The following SIDT1 variants were observed in gnomAD, a reference collection of about 807,000 sequenced individuals.
SIDT1 encodes SID1 transmembrane family member 1.
A neutral mutation model predicts 107.5 loss-of-function variants in SIDT1; 101 were observed. The observed-to-expected ratio is 0.94, with a 90% confidence interval of 0.80 to 1.11. SIDT1 has a LOEUF of 1.11. Ranked by LOEUF, SIDT1 falls within the 50% of genes least tolerant of loss-of-function variation. SIDT1 has a pLI of 0.00. For synonymous variants in SIDT1, 395 were observed against 398.2 expected, an observed-to-expected ratio of 0.99 and a Z score of 0.10; for missense variants, 1,076 against 1,058.2, an observed-to-expected ratio of 1.02 and a Z score of -0.23.
chr3:113,587,147 C>A (rs565028757), intron 9 of SIDT1, among the ~76,000 whole-genome samples: 12 of 151,926 alleles, frequency 7.9e-5, no homozygotes, highest in Admixed American at 6.6e-4. Context: ...TGGTTGTATG[C>A]AAGTTACTTT....
chr3:113,613,366 A>AC (rs1235951852), intron 19 of SIDT1, among the ~76,000 whole-genome samples: 4 of 152,230 alleles, frequency 2.6e-5, no homozygotes, highest in African/African-American at 9.6e-5. Flanking sequence ...GGAAAGGAGG[A>AC]GTCCTTTGGC....
chr3:113,611,218 G>T lies in SIDT1; in HGVS notation c.1857+74G>T, dbSNP rs1945715031. 17 of 1,552,374 alleles carry T rather than the reference G, an allele frequency of 1.1e-5. No individual in the cohort carries two copies. The South Asian group carries it at 1.9e-4, about 17-fold the overall frequency. On this transcript the variant is annotated intron_variant, in intron 18 of 24. Transcript: ENST00000264852. ...GGTCCAATAAACAAACAACAATCAAGTGAACGGGTTTGGATTAACCAAAAT... is the reference window on the plus strand; with the variant it reads ...GGTCCAATAAACAAACAACAATCAATTGAACGGGTTTGGATTAACCAAAAT...
intron 13 of SIDT1, 136 bp from the exon 14 acceptor site, chr3:113,604,774 C>G: frequency 3.3e-6 from 3 of 898,840 alleles, no homozygotes; most frequent in Admixed American, 2.0e-5. Flanking sequence ...GAAACAAGAA[C>G]CACATAATCA....
downstream of SIDT1, chr3:113,632,565 C>G (rs1033656618): frequency 2.0e-5 from 3 of 152,168 alleles, no homozygotes; most frequent in Non-Finnish European, 4.4e-5. Context: ...TGCATTTCCC[C>G]TTTATCCTCT....
At chr3:113,606,614 TCTC>T (rs1945352045) in intron 14 of SIDT1, 1 of 153,764 alleles carries the variant, frequency 6.5e-6, no homozygotes, top group Admixed American at 6.5e-5. Flanking sequence ...TGAACACACA[TCTC>T]CTCGTGTCTA....
chr3:113,573,302 T>C lies in SIDT1; in HGVS notation c.516-3620T>C, dbSNP rs182794294. ...AGCCCAGCAGGGGATCACTATTCTGTGACTGGGGCTCAGGAGATGGCCCTG... is the reference window on the plus strand; with the variant it reads ...AGCCCAGCAGGGGATCACTATTCTGCGACTGGGGCTCAGGAGATGGCCCTG... On this transcript the variant is annotated intron_variant, in intron 3 of 24. Coordinates refer to ENST00000264852, the MANE Select transcript of SIDT1 (RefSeq NM_017699.3). Among the ~76,000 whole-genome samples, 65 of 152,330 alleles carry C rather than the reference T, an allele frequency of 4.3e-4. 1 individual carries two copies. The East Asian group carries it at 0.012, about 29-fold the overall frequency.
intron 24 of SIDT1, 39 bp from the exon 25 acceptor site, chr3:113,627,607 C>G (rs948653319): frequency 6.3e-7 from 1 of 1,590,556 alleles, no homozygotes; most frequent in African/African-American, 1.3e-5. Context: ...GTGACAGTGA[C>G]TGTCCATTCC....
chr3:113,604,702 C>A, intron 13 of SIDT1, among the ~76,000 whole-genome samples: 1 of 152,128 alleles, frequency 6.6e-6, no homozygotes, highest in Non-Finnish European at 1.5e-5. Context: ...CTTTAATTCC[C>A]CTTTAGACAA....
chr3:113,617,653 TGTGA>T (rs1946196827), intron 20 of SIDT1, among the ~76,000 whole-genome samples: 2 of 152,200 alleles, frequency 1.3e-5, no homozygotes, highest in Non-Finnish European at 2.9e-5. Context: ...CATCAGGACT[TGTGA>T]GTATTTTGAG....
intron 1 of SIDT1, among the ~76,000 whole-genome samples, chr3:113,536,784 A>C (rs149094839): frequency 6.6e-6 from 1 of 152,280 alleles, no homozygotes; most frequent in Non-Finnish European, 1.5e-5. Flanking sequence ...ACTGCTTCAA[A>C]TAAGAATGAT....
intron 7 of SIDT1, among the ~76,000 whole-genome samples, chr3:113,584,431 G>A (rs17325304): frequency 0.16 from 23,650 of 152,130 alleles, 1,923 homozygotes; most frequent in Non-Finnish European, 0.18. Flanking sequence ...AAGGGAGGCC[G>A]CAATCTTGTT....
Position 113,626,205 on chromosome 3 carries a change from T to TC in SIDT1, c.2412dup (p.Ser805LeufsTer10), listed in dbSNP as rs1560151588. 3 of 1,611,682 alleles carry TC rather than the reference T, an allele frequency of 1.9e-6. No individual in the cohort carries two copies. Among genetic ancestry groups the TC allele is most frequent in the Non-Finnish European group, 1.7e-6 (2 of 1,177,732 alleles). On this transcript the variant is annotated frameshift_variant, in exon 24 of 25. Coordinates refer to ENST00000264852, the MANE Select transcript of SIDT1 (RefSeq NM_017699.3). LOFTEE classifies it high-confidence loss of function. ...TTCCTCTCTGCTACTGCTCTGTTTTTCTCATTCTTGGTGAGTTCATATCTA... is the reference window on the plus strand; with the variant it reads ...TTCCTCTCTGCTACTGCTCTGTTTTTCCTCATTCTTGGTGAGTTCATATCTA...
rs1036961684 is a variant in SIDT1, at chr3:113,578,077, C to T, written c.561+1110C>T. Among the ~76,000 whole-genome samples, 12 of 152,272 alleles carry T rather than the reference C, an allele frequency of 7.9e-5. 1 individual carries two copies. In the South Asian group the frequency reaches 2.3e-3, roughly 29 times the overall value. ...CCAGTGGCAGGAGAGGGCCAAAGGCCCTTAATATACTGCCCTCAATATTTA... is the reference window on the plus strand; with the variant it reads ...CCAGTGGCAGGAGAGGGCCAAAGGCTCTTAATATACTGCCCTCAATATTTA... On this transcript the variant is annotated intron_variant, in intron 4 of 24. Transcript: ENST00000264852.
At chr3:113,619,887 G>C (rs1369482065) in intron 21 of SIDT1, 161 bp downstream of exon 21, 2 of 636,176 alleles carry the variant, frequency 3.1e-6, no homozygotes, top group Non-Finnish European at 5.6e-6. Context: ...ACATTCTCGT[G>C]TAGCAATTGT....
chr3:113,603,031 C>T lies in SIDT1; in HGVS notation c.1144C>T (p.Gln382Ter), dbSNP rs1192646996. ...IDESSSSPGR[Q>*]MSSSDGGPPG... is the part of the protein sequence containing the mutation. Reference sequence around the variant, plus strand: ...TGAGTCAAGCTCCAGTCCTGGAAGGCAGATGTCCTCCTCCGATGGTGGGCC... The same window carrying T: ...TGAGTCAAGCTCCAGTCCTGGAAGGTAGATGTCCTCCTCCGATGGTGGGCC... The change falls in exon 12 of 25, where the codon CAG becomes TAG. Residue 382 changes from glutamine to a stop codon, truncating the protein, a stop_gained. Transcript: ENST00000264852. LOFTEE classifies it high-confidence loss of function. 1 of 1,613,982 alleles carries T rather than the reference C, an allele frequency of 6.2e-7. No individual in the cohort carries two copies. The highest frequency in any genetic ancestry group is 1.3e-5 in the African/African-American group (1 of 74,914).
chr3:113,594,471 T>C (rs556545779), intron 10 of SIDT1, among the ~76,000 whole-genome samples: 50 of 152,306 alleles, frequency 3.3e-4, no homozygotes, highest in African/African-American at 1.2e-3. Context: ...CTACATCCAA[T>C]CGATTGAATC....
chr3:113,575,010 A>G (rs1325215163), intron 3 of SIDT1, among the ~76,000 whole-genome samples: 1 of 152,212 alleles, frequency 6.6e-6, no homozygotes, highest in East Asian at 1.9e-4. Context: ...TTTATTTTGC[A>G]CATACTGCCG....
At chr3:113,584,841 T>G in intron 8 of SIDT1, 72 bp downstream of exon 8, 1 of 1,055,598 alleles carries the variant, frequency 9.5e-7, no homozygotes, top group Non-Finnish European at 1.4e-6. Flanking sequence ...TTGATATTAC[T>G]GTCATCCTTC....
intron 9 of SIDT1, among the ~76,000 whole-genome samples, chr3:113,591,076 C>A (rs1032197922): frequency 1.3e-5 from 2 of 152,098 alleles, no homozygotes; most frequent in African/African-American, 2.4e-5. Flanking sequence ...GAAGGAAATG[C>A]GACAAAGAAA....
Sources: gnomAD v4.1 joint callset for allele counts (sites outside exome capture counted in the v4.1 genomes callset) on GRCh38, gnomAD v4.1.1 for gene constraint, MANE v1.5 for transcripts, NCBI Gene and HGNC (gene_info 2026-07-23, HGNC 2026-07-21) for gene names.